Variants in CLIC6 observed in about 807,000 individuals in gnomAD.
The protein encoded by CLIC6 is chloride intracellular channel protein 6.
In CLIC6, 39 loss-of-function variants were observed where a neutral mutation model predicts 49.2. The ratio of observed to expected loss-of-function variants is 0.79; its 90% CI spans 0.61 to 1.04. The LOEUF (loss-of-function observed/expected upper bound fraction) is 1.04, where lower values mean the gene tolerates loss of function less well. CLIC6 is among the 50% of genes least tolerant of loss of function. The pLI is 0.00. For synonymous variants in CLIC6, 446 were observed against 433.4 expected (o/e 1.03, Z -0.36); for missense variants, 988 against 993.1 (o/e 0.99, Z 0.07).
intron 1 of CLIC6, among the ~76,000 whole-genome samples, chr21:34,699,203 C>G (rs1990142703): frequency 6.6e-6 from 1 of 152,060 alleles, no homozygotes; most frequent in Non-Finnish European, 1.5e-5. Context: ...TAGAACCTTA[C>G]CTGAAGTCAG....
rs184449084 is a variant in CLIC6 at position 34,681,176 on chromosome 21, G to A, written c.1374+10414G>A. Among the ~76,000 whole-genome samples the A allele has an allele frequency of 3.9e-3, 587 of 152,350 alleles. 2 individuals are homozygous for A. The highest frequency in any genetic ancestry group is 6.2e-3 in the Non-Finnish European group (420 of 68,034). Reference sequence around the variant, plus strand: ...GAAACTTGCAATCGTGGCAGAAGGGGAAGAAATCATGCCCTTTTTCACATG... The same window carrying A: ...GAAACTTGCAATCGTGGCAGAAGGGAAAGAAATCATGCCCTTTTTCACATG... On this transcript the variant is annotated intron_variant, in intron 1 of 5. Coordinates refer to ENST00000349499, the MANE Select transcript of CLIC6 (RefSeq NM_053277.3).
At chr21:34,676,993 T>G (rs1490178047) in intron 1 of CLIC6, among the ~76,000 whole-genome samples, 2 of 152,182 alleles carry the variant, frequency 1.3e-5, no homozygotes, top group African/African-American at 4.8e-5. Context: ...GGGAGACATT[T>G]TCTTCACAAT....
At chr21:34,681,172 AG>A (rs1989772774) in intron 1 of CLIC6, among the ~76,000 whole-genome samples, 1 of 152,246 alleles carries the variant, frequency 6.6e-6, no homozygotes, top group Non-Finnish European at 1.5e-5. Flanking sequence ...TCGTGGCAGA[AG>A]GGGAAGAAAT....
chr21:34,692,129 A>T (rs972136862), intron 1 of CLIC6, among the ~76,000 whole-genome samples: 2 of 152,252 alleles, frequency 1.3e-5, no homozygotes, highest in African/African-American at 4.8e-5. Flanking sequence ...TATTAAGACA[A>T]GAGTGCTCAT....
At chr21:34,687,314 A>T (rs186653040) in intron 1 of CLIC6, among the ~76,000 whole-genome samples, 1 of 152,198 alleles carries the variant, frequency 6.6e-6, no homozygotes, top group African/African-American at 2.4e-5. Context: ...AACCACCGGG[A>T]TATATAAAAA....
chr21:34,669,248 GC>G lies in CLIC6; in HGVS notation c.-140del, dbSNP rs1353393419. On this transcript the variant is annotated 5_prime_UTR_variant, in exon 1 of 6. Coordinates refer to ENST00000349499, the MANE Select transcript of CLIC6 (RefSeq NM_053277.3). The stretch of plus-strand genomic sequence containing the variant: ...TCCTGCGCAAGGCCCCAGTGCCCCG[GC>G]TAAACCTTTGCCGCAGGATCCCGGA... 24 of 679,924 alleles carry G rather than the reference GC, an allele frequency of 3.5e-5. No individual in the cohort carries two copies. The highest frequency in any genetic ancestry group is 3.5e-4 in the Admixed American group (8 of 22,992). 42.1% of individuals were successfully genotyped at this position (679,924 alleles called of 1,614,324 possible).
intron 1 of CLIC6, among the ~76,000 whole-genome samples, chr21:34,675,479 G>T (rs1250804390): frequency 6.6e-6 from 1 of 152,116 alleles, no homozygotes; most frequent in African/African-American, 2.4e-5. Flanking sequence ...GAAGGAAAGT[G>T]AGCAAAGATG....
chr21:34,676,135 T>TC (rs1340807851), intron 1 of CLIC6, among the ~76,000 whole-genome samples: 1 of 152,212 alleles, frequency 6.6e-6, no homozygotes, highest in Non-Finnish European at 1.5e-5. Flanking sequence ...GACTCAGATA[T>TC]CCCATTTCCT....
intron 3 of CLIC6, 133 bp from the exon 4 acceptor site, chr21:34,708,566 GA>G: frequency 1.5e-6 from 1 of 662,446 alleles, no homozygotes. Flanking sequence ...CCTTTGAGAG[GA>G]AAAGGGTCAG....
In CLIC6 at chr21:34,670,476, C is replaced by T. The variant is rs1273268701; in HGVS notation, c.1088C>T (p.Pro363Leu). Reference protein sequence around the residue: ...DAGEDRVGDGPQQEPGEDEER... With the variant: ...DAGEDRVGDGLQQEPGEDEER... ...GGCGAGGACAGGGTAGGGGATGGGC[C>T]ACAGCAGGAGCCGGGGGAGGACGAA... Residue 363 changes from proline to leucine, a missense_variant, in exon 1 of 6, where the codon CCA becomes CTA. This residue lies in a region of CLIC6 where 647 missense variants were observed against 596.9 expected (regional missense o/e 1.08). Coordinates refer to ENST00000349499, the MANE Select transcript of CLIC6 (RefSeq NM_053277.3). 3 of 1,492,050 alleles carry T rather than the reference C, an allele frequency of 2.0e-6. No homozygotes were observed. Among genetic ancestry groups the T allele is most frequent in the Admixed American group, 2.5e-5 (1 of 40,724 alleles). 92.4% of individuals were successfully genotyped at this position (1,492,050 alleles called of 1,614,324 possible).
intron 1 of CLIC6, among the ~76,000 whole-genome samples, chr21:34,690,275 C>G (rs977312918): frequency 1.3e-5 from 2 of 152,128 alleles, no homozygotes; most frequent in Non-Finnish European, 2.9e-5. Flanking sequence ...CACAGCACAG[C>G]CAAGTTATCA....
chr21:34,678,787 G>A (rs1989722828), intron 1 of CLIC6, among the ~76,000 whole-genome samples: 1 of 151,712 alleles, frequency 6.6e-6, no homozygotes, highest in Non-Finnish European at 1.5e-5. Context: ...CATTTTTTTG[G>A]AAAAGATAAT....
intron 1 of CLIC6, among the ~76,000 whole-genome samples, chr21:34,678,580 T>C (rs1989719388): frequency 6.6e-6 from 1 of 152,214 alleles, no homozygotes; most frequent in Non-Finnish European, 1.5e-5. Context: ...ACTGGCAGGT[T>C]CTTTCACAGT....
At chr21:34,697,508 G>C (rs1990108979) in intron 1 of CLIC6, among the ~76,000 whole-genome samples, 1 of 152,018 alleles carries the variant, frequency 6.6e-6, no homozygotes, top group Non-Finnish European at 1.5e-5. Flanking sequence ...CATCAAGTCT[G>C]ATGGATGCAT....
chr21:34,681,713 A>G (rs1247412683), intron 1 of CLIC6, among the ~76,000 whole-genome samples: 1 of 152,250 alleles, frequency 6.6e-6, no homozygotes, highest in East Asian at 1.9e-4. Flanking sequence ...AAGAGAGACC[A>G]AGGAAGAAGC....
chr21:34,675,645 C>A (rs2145797068), intron 1 of CLIC6, among the ~76,000 whole-genome samples: 1 of 152,248 alleles, frequency 6.6e-6, no homozygotes, highest in African/African-American at 2.4e-5. Flanking sequence ...TAACCTCTTG[C>A]ATACAAACAG....
chr21:34,686,669 C>T (rs1304045305), intron 1 of CLIC6, among the ~76,000 whole-genome samples: 2 of 152,204 alleles, frequency 1.3e-5, no homozygotes, highest in African/African-American at 4.8e-5. Context: ...ATCCTGAGGT[C>T]ACCATGCTGG....
In CLIC6 at chr21:34,679,125, C is replaced by G. The variant is rs1187561276; in HGVS notation, c.1374+8363C>G. ...CGCTGTTGTGAAGAACTGCCCAAGA[C>G]TGGATAATTTATAAAGGAAAGAGGT... On this transcript the variant is annotated intron_variant, in intron 1 of 5. Coordinates refer to ENST00000349499, the MANE Select transcript of CLIC6 (RefSeq NM_053277.3). 3.3e-5 allele frequency among the ~76,000 whole-genome samples: 5 copies of G among 152,202 alleles called. No individual in the cohort carries two copies. The East Asian group carries it at 7.7e-4, about 23-fold the overall frequency.
At position 34,670,589 on chromosome 21, in the gene CLIC6, G is replaced by C. The variant is rs1432673845; in HGVS notation, c.1201G>C (p.Glu401Gln). ...ATCCCCCGACAGCAGCCCACATGGG[G>C]AGGCCTCCAGGGGCGCCGCGGAGCC... is the stretch of plus-strand genomic sequence containing the variant. ...EESPDSSPHG[E>Q]ASRGAAEPEA... Residue 401 changes from glutamate (E) to glutamine (Q), a missense_variant, in exon 1 of 6, where the codon GAG becomes CAG. By Grantham distance (29) the Glu-to-Gln change is conservative. This residue lies in a region of CLIC6 where 647 missense variants were observed against 596.9 expected (regional missense o/e 1.08). Coordinates refer to ENST00000349499, the MANE Select transcript of CLIC6 (RefSeq NM_053277.3). 1 of 1,529,392 alleles carries C rather than the reference G, an allele frequency of 6.5e-7. No homozygotes were observed. Among genetic ancestry groups the C allele is most frequent in the Non-Finnish European group, 8.8e-7 (1 of 1,138,650 alleles). 94.7% of individuals were successfully genotyped at this position (1,529,392 alleles called of 1,614,324 possible). A position where few individuals can be genotyped will look rare whatever the true frequency, so the allele number is the denominator to read the frequency against.
Sources: allele counts gnomAD v4.1 joint callset (sites outside exome capture counted in the v4.1 genomes callset), GRCh38; gene constraint gnomAD v4.1.1; regional missense constraint gnomAD v4.1.1; transcripts MANE v1.5; gene names NCBI Gene and HGNC (gene_info 2026-07-23, HGNC 2026-07-21).